The following ASPRV1 variants were observed in gnomAD, a reference collection of about 807,000 sequenced individuals.
ASPRV1 encodes the protein aspartic peptidase retroviral like 1, also known as retroviral-like aspartic protease 1.
Under a neutral mutation model 11.0 loss-of-function variants are expected in ASPRV1, and 7 were observed. The ratio of observed to expected loss-of-function variants is 0.64; its 90% confidence interval spans 0.36 to 1.20. The LOEUF is 1.20. Ranked by LOEUF, ASPRV1 falls within the 50% of genes most tolerant of loss-of-function variation. The pLI, the probability that ASPRV1 is intolerant of heterozygous loss-of-function variation, is 0.02. For synonymous variants in ASPRV1, 136 were observed against 138.4 expected (o/e 0.98, Z 0.12); for missense variants, 299 against 320.0 (o/e 0.93, Z 0.50).
chr2:70,080,413 G>A, the ASPRV1 span, among the ~76,000 whole-genome samples: 1 of 152,174 alleles, frequency 6.6e-6, no homozygotes, highest in African/African-American at 2.4e-5. Context: ...TTTTAGTAGA[G>A]ACAGGGTTTC....
chr2:70,076,045 GAGA>G, the ASPRV1 span, among the ~76,000 whole-genome samples: 1 of 152,142 alleles, frequency 6.6e-6, no homozygotes, highest in East Asian at 1.9e-4. Context: ...CCCTCAGCAG[GAGA>G]AGAATATAAC....
chr2:70,050,275 C>G, the ASPRV1 span: 10 of 147,662 alleles, frequency 6.8e-5, no homozygotes, highest in East Asian at 2.0e-3. Context: ...GAGACTTCGT[C>G]AAAAAAAGAA....
Position 69,961,499 on chromosome 2 carries a change from G to C in ASPRV1, c.-63C>G. The C allele has an allele frequency of 4.3e-6, 7 of 1,614,174 alleles. No homozygotes were observed. The highest frequency in any genetic ancestry group is 5.9e-6 in the Non-Finnish European group (7 of 1,180,042). ...GCCAAGAAGAGAAACCCACAGAGCA[G>C]TGTCGGCGCAATCACGCTGGAAAAC... On this transcript the variant is annotated 5_prime_UTR_variant, in exon 1 of 1. Coordinates refer to ENST00000320256, the MANE Select transcript of ASPRV1 (RefSeq NM_152792.4).
At chr2:70,039,173 G>C in the ASPRV1 span, among the ~76,000 whole-genome samples, 1 of 151,930 alleles carries the variant, frequency 6.6e-6, no homozygotes, top group Non-Finnish European at 1.5e-5. Flanking sequence ...CTGAGGAACA[G>C]GAATAACCAG....
chr2:70,078,230 T>C, the ASPRV1 span, among the ~76,000 whole-genome samples: 5 of 152,336 alleles, frequency 3.3e-5, no homozygotes, highest in African/African-American at 9.6e-5. Context: ...AGTGGGGCTA[T>C]AGCAATGAGC....
the ASPRV1 span, chr2:70,045,523 C>T: frequency 1.3e-4 from 20 of 152,196 alleles, no homozygotes; most frequent in African/African-American, 3.4e-4. Flanking sequence ...TTCCTAAACC[C>T]TACTGAAGCT....
the ASPRV1 span, among the ~76,000 whole-genome samples, chr2:70,065,673 A>C: frequency 1.1e-4 from 16 of 151,672 alleles, no homozygotes; most frequent in African/African-American, 3.6e-4. Context: ...ATTTTTTTAA[A>C]AATTAGCCAG....
At chr2:69,958,090 G>A (rs1025537892), downstream of ASPRV1, among the ~76,000 whole-genome samples, 20 of 152,054 alleles carry the variant, frequency 1.3e-4, no homozygotes, top group African/African-American at 4.8e-4. Context: ...ACTTTTTCTG[G>A]CTTCTCTCCC....
the ASPRV1 span, among the ~76,000 whole-genome samples, chr2:70,077,811 C>T: frequency 1.3e-5 from 2 of 151,762 alleles, no homozygotes; most frequent in African/African-American, 2.4e-5. Flanking sequence ...GCTGAGACGA[C>T]GCCATTGCAC....
chr2:69,948,527 G>A, the ASPRV1 span, among the ~76,000 whole-genome samples: 4 of 152,352 alleles, frequency 2.6e-5, no homozygotes, highest in South Asian at 8.3e-4. Flanking sequence ...AGGCCGCAGT[G>A]GGGGCAGCTT....
chr2:70,059,253 TTTC>T, the ASPRV1 span, among the ~76,000 whole-genome samples: 4 of 148,806 alleles, frequency 2.7e-5, no homozygotes, highest in Non-Finnish European at 5.9e-5. Context: ...GCTGATTGGT[TTTC>T]TTTTTTTTTT....
At chr2:70,051,255 C>G in the ASPRV1 span, 2 of 152,192 alleles carry the variant, frequency 1.3e-5, no homozygotes, top group Non-Finnish European at 2.9e-5. Context: ...CCCTAGCAGG[C>G]TGGCTCCAAA....
the ASPRV1 span, among the ~76,000 whole-genome samples, chr2:70,042,753 A>G: frequency 6.6e-6 from 1 of 152,146 alleles, no homozygotes; most frequent in African/African-American, 2.4e-5. Context: ...AATCTCAAGT[A>G]GTGCTGATTC....
chr2:70,049,060 TAA>T, the ASPRV1 span: 3 of 151,952 alleles, frequency 2.0e-5, no homozygotes, highest in Non-Finnish European at 4.4e-5. Context: ...TATTATACTT[TAA>T]GTTTTAGGGT....
At chr2:69,938,964 A>C in the ASPRV1 span, 1 of 152,588 alleles carries the variant, frequency 6.6e-6, no homozygotes, top group South Asian at 2.1e-4. Context: ...GTTCTCACAA[A>C]CAAAACGGTA....
At chr2:70,056,751 CAG>C in the ASPRV1 span, 15 of 134,310 alleles carry the variant, frequency 1.1e-4, no homozygotes, top group East Asian at 4.5e-4. Flanking sequence ...TTTGTTTAGA[CAG>C]AGTCTTGCTC....
At chr2:70,039,002 G>A in the ASPRV1 span, among the ~76,000 whole-genome samples, 6 of 151,656 alleles carry the variant, frequency 4.0e-5, no homozygotes, top group East Asian at 3.9e-4. Context: ...TCACTTGAAC[G>A]TGGGAGGCAA....
the ASPRV1 span, among the ~76,000 whole-genome samples, chr2:70,004,103 C>T: frequency 1.3e-5 from 2 of 152,218 alleles, no homozygotes; most frequent in African/African-American, 2.4e-5. Flanking sequence ...CTGCCACAAA[C>T]GGAGTCTTCT....
the ASPRV1 span, among the ~76,000 whole-genome samples, chr2:69,968,111 A>G: frequency 6.6e-6 from 1 of 152,004 alleles, no homozygotes. Flanking sequence ...ATAATTTCCA[A>G]ATAAAGTTTT....
Sources: allele counts gnomAD v4.1 joint callset (sites outside exome capture counted in the v4.1 genomes callset), GRCh38; gene constraint gnomAD v4.1.1; transcripts MANE v1.5; gene names NCBI Gene and HGNC (gene_info 2026-07-23, HGNC 2026-07-21).